KCNV1: variants seen among roughly 807,000 people sequenced by gnomAD.
KCNV1 encodes potassium voltage-gated channel subfamily V member 1.
In KCNV1, 2 loss-of-function variants were observed where a neutral mutation model predicts 36.4. The ratio of observed to expected loss-of-function variants is 0.05; its 90% confidence interval spans 0.02 to 0.17. The LOEUF (loss-of-function observed/expected upper bound fraction) is 0.17. Among genes scored for constraint, KCNV1 ranks in the 10% least tolerant of loss-of-function variants. The pLI, the probability that KCNV1 is intolerant of heterozygous loss-of-function variation, is 1.00. For synonymous variants in KCNV1, 280 were observed against 261.1 expected, an observed-to-expected ratio of 1.07 and a Z score of -0.70; for missense variants, 321 against 643.6, an observed-to-expected ratio of 0.50 and a Z score of 5.42.
Position 109,974,200 on chromosome 8 carries a change from C to A in KCNV1, c.189G>T (p.Thr63=), listed in dbSNP as rs750493625. 13 of 1,587,882 alleles carry A rather than the reference C, an allele frequency of 8.2e-6. No homozygotes were observed. In the Admixed American group the frequency reaches 2.1e-4, roughly 26 times the overall value. ...SQQALSCFPH[T]RLGKLAVVVA... ...CCACCACGGCCAGCTTGCCAAGGCG[C>A]GTGTGCGGGAAGCAGGACAGCGCCT... Residue 63 remains threonine (T), a synonymous_variant, in exon 2 of 4, where the codon ACG becomes ACT. Coordinates refer to ENST00000524391, the MANE Select transcript of KCNV1 (RefSeq NM_014379.4). This position sits in a 1 kb window ranked among gnomAD's most constrained non-coding sequence, Gnocchi z 6.2.
At position 109,972,415 on chromosome 8, in the gene KCNV1, T is replaced by A. The variant is rs1220138432; in HGVS notation, c.834A>T (p.Ile278=). 3 of 1,614,128 alleles carry A rather than the reference T, an allele frequency of 1.9e-6. No individual in the cohort carries two copies. Among genetic ancestry groups the A allele is most frequent in the Non-Finnish European group, 2.5e-6 (3 of 1,180,036 alleles). The change falls in exon 3 of 4, where the codon ATA becomes ATT. Residue 278 remains isoleucine, a synonymous_variant. Transcript: ENST00000524391. The surrounding 1 kb of genome is among the most constrained non-coding windows in gnomAD (Gnocchi z 5.2). ...CRFLRKVPNI[I]DLLAILPFYI... is the part of the protein sequence containing the mutation. Reference sequence around the variant, plus strand: ...AGAAGGGCAAGATGGCAAGGAGGTCTATGATGTTTGGCACCTTTCTTAGGA... The same window carrying A: ...AGAAGGGCAAGATGGCAAGGAGGTCAATGATGTTTGGCACCTTTCTTAGGA...
rs750193198 is a variant in KCNV1, at chr8:109,968,083, T to C, written c.*5A>G. The C allele has an allele frequency of 6.3e-7, 1 of 1,597,948 alleles. No homozygotes were observed. The stretch of plus-strand genomic sequence containing the variant: ...ATAGCTTTTGTAAATAAATTGAAAA[T>C]TAATTCAAAACCAGAAATCATCTCC... On this transcript the variant is annotated 3_prime_UTR_variant, in exon 4 of 4. Transcript: ENST00000524391. This position sits in a 1 kb window ranked among gnomAD's most constrained non-coding sequence, Gnocchi z 5.3.
rs764329949 is a variant in KCNV1, at chr8:109,967,954, C to A, written c.*134G>T. 2 of 834,424 alleles carry A rather than the reference C, an allele frequency of 2.4e-6. No individual in the cohort carries two copies. The highest frequency in any genetic ancestry group is 1.8e-6 in the Non-Finnish European group (1 of 548,580). 51.7% of individuals were successfully genotyped at this position (834,424 alleles called of 1,614,324 possible). A position where few individuals can be genotyped will look rare whatever the true frequency, so the allele number is the denominator to read the frequency against. ...ATGTGAAATATTCTAGTAGATGAAGCAATATATCAGCAAAAATTAATTAAG... is the reference window on the plus strand; with the variant it reads ...ATGTGAAATATTCTAGTAGATGAAGAAATATATCAGCAAAAATTAATTAAG... On this transcript the variant is annotated 3_prime_UTR_variant, in exon 4 of 4. Transcript: ENST00000524391.
chr8:109,969,297 C>G (rs1237403618), intron 3 of KCNV1, among the ~76,000 whole-genome samples: 4 of 152,114 alleles, frequency 2.6e-5, no homozygotes, highest in Non-Finnish European at 4.4e-5. Context: ...AAACCCTACT[C>G]CTTAATACCA....
chr8:109,970,451 A>T (rs186889355), intron 3 of KCNV1, among the ~76,000 whole-genome samples: 38 of 152,296 alleles, frequency 2.5e-4, no homozygotes, highest in African/African-American at 8.7e-4. Flanking sequence ...TATAAGAGGG[A>T]CATGGTAATT....
In KCNV1 at chr8:109,972,223, T is replaced by C. The variant is rs1191861513; in HGVS notation, c.991+35A>G. 6 of 1,537,590 alleles carry C rather than the reference T, an allele frequency of 3.9e-6. No individual in the cohort carries two copies. The South Asian group carries it at 6.4e-5, about 16-fold the overall frequency. On this transcript the variant is annotated intron_variant, in intron 3 of 3. Coordinates refer to ENST00000524391, the MANE Select transcript of KCNV1 (RefSeq NM_014379.4). The surrounding 1 kb of genome is among the most constrained non-coding windows in gnomAD (Gnocchi z 5.2). ...TCAAAAAACGAATGCTTACATGCAA[T>C]GGCAAATTAAAAGGCATCAGTGAAA...
intron 1 of KCNV1, 113 bp from the exon 2 acceptor site, chr8:109,975,305 T>G (rs1308860760): frequency 6.6e-6 from 1 of 152,352 alleles, no homozygotes; most frequent in Non-Finnish European, 1.5e-5. Context: ...CCACCTCGTG[T>G]TGAGGCACTT....
In KCNV1 at chr8:109,974,728, A is replaced by C; in HGVS notation, c.-340T>G. The C allele has an allele frequency of 9.6e-6, 3 of 312,244 alleles. No individual in the cohort carries two copies. Among genetic ancestry groups the C allele is most frequent in the Admixed American group, 4.7e-5 (1 of 21,440 alleles). 19.3% of individuals were successfully genotyped at this position (312,244 alleles called of 1,614,324 possible). On this transcript the variant is annotated 5_prime_UTR_variant, in exon 2 of 4. Coordinates refer to ENST00000524391, the MANE Select transcript of KCNV1 (RefSeq NM_014379.4). The surrounding 1 kb of genome is among the most constrained non-coding windows in gnomAD (Gnocchi z 6.2). ...GCCCTGGCCCTTCCCAAACGTTGTCACCCCGCCTCCCAACTTCGCAATTGC... is the reference window on the plus strand; with the variant it reads ...GCCCTGGCCCTTCCCAAACGTTGTCCCCCCGCCTCCCAACTTCGCAATTGC...
rs1413558823 is a variant in KCNV1, at chr8:109,967,716, A to C, written c.*372T>G. ...TTACTTATCTTTCTCTGGGCTATGCAGTTTACCTTCCATTTTTAAAAAATT... is the reference window on the plus strand; with the variant it reads ...TTACTTATCTTTCTCTGGGCTATGCCGTTTACCTTCCATTTTTAAAAAATT... On this transcript the variant is annotated 3_prime_UTR_variant, in exon 4 of 4. Transcript: ENST00000524391. 5.5e-6 allele frequency: 1 copy of C among 180,278 alleles called. No homozygotes were observed. Among genetic ancestry groups the C allele is most frequent in the Admixed American group, 5.4e-5 (1 of 18,404 alleles). The allele number at this position is 180,278 out of a possible 1,614,324, so 11.2% of individuals were successfully genotyped here.
chr8:109,974,191 G>C lies in KCNV1; in HGVS notation c.198C>G (p.Gly66=), dbSNP rs1476813633. Residue 66 remains glycine, a synonymous_variant, in exon 2 of 4, where the codon GGC becomes GGG. Transcript: ENST00000524391. This position sits in a 1 kb window ranked among gnomAD's most constrained non-coding sequence, Gnocchi z 6.2. ...ALSCFPHTRL[G]KLAVVVASYR... ...AGGAAGCCACCACCACGGCCAGCTTGCCAAGGCGCGTGTGCGGGAAGCAGG... is the reference window on the plus strand; with the variant it reads ...AGGAAGCCACCACCACGGCCAGCTTCCCAAGGCGCGTGTGCGGGAAGCAGG... The C allele has an allele frequency of 1.3e-6, 2 of 1,591,016 alleles. No individual in the cohort carries two copies. The highest frequency in any genetic ancestry group is 1.7e-6 in the Non-Finnish European group (2 of 1,169,306).
chr8:109,970,466 T>C (rs2130896975), intron 3 of KCNV1, among the ~76,000 whole-genome samples: 1 of 152,278 alleles, frequency 6.6e-6, no homozygotes, highest in Non-Finnish European at 1.5e-5. Context: ...GTAATTGTTA[T>C]GCCATTATAC....
Position 109,972,618 on chromosome 8 carries a change from T to C in KCNV1, c.631A>G (p.Ile211Val). 1 of 1,614,126 alleles carries C rather than the reference T, an allele frequency of 6.2e-7. No homozygotes were observed. Among genetic ancestry groups the C allele is most frequent in the South Asian group, 1.1e-5 (1 of 91,080 alleles). The change falls in exon 3 of 4, where the codon ATC becomes GTC. Residue 211 changes from isoleucine (I) to valine (V), a missense_variant. This residue lies in a region of KCNV1 where 141 missense variants were observed against 225.0 expected (regional missense o/e 0.63). Coordinates refer to ENST00000524391, the MANE Select transcript of KCNV1 (RefSeq NM_014379.4). This position sits in a 1 kb window ranked among gnomAD's most constrained non-coding sequence, Gnocchi z 5.2. ...AAGATAATGGAGATGACGCCAAAGA[T>C]ACGGGCAGCTGTGGAAGATCCAGGT... ...EKPGSSTAAR[I>V]FGVISIIFVV...
chr8:109,969,621 C>T (rs1819985464), intron 3 of KCNV1, among the ~76,000 whole-genome samples: 1 of 151,920 alleles, frequency 6.6e-6, no homozygotes, highest in South Asian at 2.1e-4. Context: ...CTGAGGCAGG[C>T]AGATCATGAG....
chr8:109,969,617 C>A (rs1819985425), intron 3 of KCNV1, among the ~76,000 whole-genome samples: 1 of 152,024 alleles, frequency 6.6e-6, no homozygotes, highest in South Asian at 2.1e-4. Context: ...GAGGCTGAGG[C>A]AGGCAGATCA....
rs1311810114 is a variant in KCNV1 at position 109,968,430 on chromosome 8, G to C, written c.1161C>G (p.Thr387=). The C allele has an allele frequency of 3.1e-6, 5 of 1,614,088 alleles. No homozygotes were observed. In the South Asian group the frequency reaches 3.3e-5, roughly 11 times the overall value. ...TSVPCAWWWA[T]TSMTTVGYGD... is the part of the protein sequence containing the mutation. ...CATATCCCACAGTAGTCATAGAGGT[G>C]GTGGCCCACCACCATGCACAAGGGA... Residue 387 remains threonine (T), a synonymous_variant, in exon 4 of 4, where the codon ACC becomes ACG. Transcript: ENST00000524391. This position sits in a 1 kb window ranked among gnomAD's most constrained non-coding sequence, Gnocchi z 5.3.
chr8:109,972,892 G>T lies in KCNV1; in HGVS notation c.462-105C>A. On this transcript the variant is annotated intron_variant, in intron 2 of 3. Transcript: ENST00000524391. This position sits in a 1 kb window ranked among gnomAD's most constrained non-coding sequence, Gnocchi z 5.2. ...GTCAGACTTTTTCATTCAACAAAATGCAGAAAAATGTCTATTCATATTTTA... is the reference window on the plus strand; with the variant it reads ...GTCAGACTTTTTCATTCAACAAAATTCAGAAAAATGTCTATTCATATTTTA... The T allele has an allele frequency of 1.2e-6, 1 of 809,784 alleles. No homozygotes were observed. Among genetic ancestry groups the T allele is most frequent in the Non-Finnish European group, 1.9e-6 (1 of 516,348 alleles). 50.2% of individuals were successfully genotyped at this position (809,784 alleles called of 1,614,324 possible).
chr8:109,968,007 A>T lies in KCNV1; in HGVS notation c.*81T>A. 7.4e-7 allele frequency: 1 copy of T among 1,353,722 alleles called. No individual in the cohort carries two copies. Among genetic ancestry groups the T allele is most frequent in the Non-Finnish European group, 1.0e-6 (1 of 990,340 alleles). 83.9% of individuals were successfully genotyped at this position (1,353,722 alleles called of 1,614,324 possible). ...GAGCAGTACTCTGAAGAGACTCATC[A>T]TCAGAATACAGAAATCCACATCACT... On this transcript the variant is annotated 3_prime_UTR_variant, in exon 4 of 4. Coordinates refer to ENST00000524391, the MANE Select transcript of KCNV1 (RefSeq NM_014379.4). The surrounding 1 kb of genome is among the most constrained non-coding windows in gnomAD (Gnocchi z 5.3).
intron 2 of KCNV1, among the ~76,000 whole-genome samples, chr8:109,973,688 C>T (rs558672463): frequency 6.6e-6 from 1 of 152,108 alleles, no homozygotes; most frequent in Non-Finnish European, 1.5e-5. Context: ...TTGCCTTATA[C>T]GTTAAATTAG....
Position 109,965,313 on chromosome 8 carries a change from T to C in KCNV1, c.*2775A>G, listed in dbSNP as rs1311596264. 1 of 152,218 alleles carries C rather than the reference T, an allele frequency of 6.6e-6. No homozygotes were observed. The highest frequency in any genetic ancestry group is 2.4e-5 in the African/African-American group (1 of 41,480). The allele number at this position is 152,218 out of a possible 1,614,324, so 9.4% of individuals were successfully genotyped here. Reference sequence around the variant, plus strand: ...TATTTTAAAAAATTAAATATTGTTTTATAACAATAATTCTTAGATGTTTAA... The same window carrying C: ...TATTTTAAAAAATTAAATATTGTTTCATAACAATAATTCTTAGATGTTTAA... On this transcript the variant is annotated 3_prime_UTR_variant, in exon 4 of 4. Coordinates refer to ENST00000524391, the MANE Select transcript of KCNV1 (RefSeq NM_014379.4).
Sources: allele counts gnomAD v4.1 joint callset (sites outside exome capture counted in the v4.1 genomes callset), GRCh38; gene constraint gnomAD v4.1.1; regional missense constraint gnomAD v4.1.1; non-coding constraint Gnocchi (gnomAD v3.1); transcripts MANE v1.5; gene names NCBI Gene and HGNC (gene_info 2026-07-23, HGNC 2026-07-21).